GFPT2: variants seen among roughly 807,000 people sequenced by gnomAD.
GFPT2 encodes the protein glutamine--fructose-6-phosphate aminotransferase [isomerizing] 2.
Under a neutral mutation model 85.6 loss-of-function variants are expected in GFPT2, and 62 were observed. The observed-to-expected ratio is 0.72, with a 90% CI of 0.59 to 0.90. GFPT2 has a LOEUF of 0.90. GFPT2 is among the 40% of genes least tolerant of loss of function. GFPT2 has a pLI of 0.00. For synonymous variants in GFPT2, 368 were observed against 344.5 expected, an observed-to-expected ratio of 1.07 and a Z score of -0.75; for missense variants, 788 against 893.4, an observed-to-expected ratio of 0.88 and a Z score of 1.50.
In GFPT2 at chr5:180,330,633, G is replaced by A; in HGVS notation, c.534+67C>T. The A allele has an allele frequency of 7.4e-7, 1 of 1,354,054 alleles. No homozygotes were observed. The highest frequency in any genetic ancestry group is 1.0e-6 in the Non-Finnish European group (1 of 956,508). The allele number at this position is 1,354,054 out of a possible 1,614,324, so 83.9% of individuals were successfully genotyped here. On this transcript the variant is annotated intron_variant, in intron 6 of 18. Transcript: ENST00000253778. The surrounding 1 kb of genome is among the most constrained non-coding windows in gnomAD (Gnocchi z 4.4). The stretch of plus-strand genomic sequence containing the variant: ...AATGAAGGATTCCTTGGCACTTGCT[G>A]CTTGAAAAAAATGTTTTTAATGAAA...
At chr5:180,351,478 G>T (rs1764709653) in intron 1 of GFPT2, among the ~76,000 whole-genome samples, 1 of 149,786 alleles carries the variant, frequency 6.7e-6, no homozygotes, top group Non-Finnish European at 1.5e-5. Context: ...AGGCACCTAA[G>T]CCAGCACGCA....
rs373801571 is a variant in GFPT2, at chr5:180,338,483, G to A, written c.115+10C>T. On this transcript the variant is annotated intron_variant, in intron 2 of 18. Transcript: ENST00000253778. Reference sequence around the variant, plus strand: ...GTCCCCAGCCACGAGGCGGGCGGCCGCACACCCACCTGCCGAGTCGTAGCC... The same window carrying A: ...GTCCCCAGCCACGAGGCGGGCGGCCACACACCCACCTGCCGAGTCGTAGCC... 29 of 1,528,380 alleles carry A rather than the reference G, an allele frequency of 1.9e-5. No homozygotes were observed. Among genetic ancestry groups the A allele is most frequent in the African/African-American group, 9.6e-5 (7 of 73,272 alleles). 94.7% of individuals were successfully genotyped at this position (1,528,380 alleles called of 1,614,324 possible).
Position 180,324,250 on chromosome 5 carries a change from G to C in GFPT2, c.732C>G (p.Ser244Arg). ...CGCCCACAGCATGCAGGCAGGCGGA[G>C]CTGTCCAGCCTCTTCATCCGTGTCT... ...ICKTRMKRLDSSACLHAVGDK... is the reference protein window; with the variant it reads ...ICKTRMKRLDRSACLHAVGDK... The change falls in exon 9 of 19, where the codon AGC becomes AGG. Residue 244 changes from serine (S) to arginine (R), a missense_variant. Transcript: ENST00000253778. 1 of 1,613,172 alleles carries C rather than the reference G, an allele frequency of 6.2e-7. No homozygotes were observed. Among genetic ancestry groups the C allele is most frequent in the Non-Finnish European group, 8.5e-7 (1 of 1,179,264 alleles).
rs1763658059 is a variant in GFPT2 at position 180,300,699 on chromosome 5, A to G, written c.*865T>C. On this transcript the variant is annotated 3_prime_UTR_variant, in exon 19 of 19. Coordinates refer to ENST00000253778, the MANE Select transcript of GFPT2 (RefSeq NM_005110.4). ...TAACAAAATGCAAACACACACAAAAAAACTGTATGTTCTTTATTGTCCTAA... is the reference window on the plus strand; with the variant it reads ...TAACAAAATGCAAACACACACAAAAGAACTGTATGTTCTTTATTGTCCTAA... 1 of 152,632 alleles carries G rather than the reference A, an allele frequency of 6.6e-6. No homozygotes were observed. Among genetic ancestry groups the G allele is most frequent in the African/African-American group, 2.4e-5 (1 of 41,444 alleles). The allele number at this position is 152,632 out of a possible 1,614,324, so 9.5% of individuals were successfully genotyped here.
intron 17 of GFPT2, 71 bp from the exon 18 acceptor site, chr5:180,302,655 T>A (rs1296247721): frequency 8.1e-7 from 1 of 1,231,306 alleles, no homozygotes; most frequent in Non-Finnish European, 1.2e-6. Context: ...ATACAGAGTA[T>A]CTGGAAGCTA....
Position 180,318,757 on chromosome 5 carries a change from C to T in GFPT2, c.958+36G>A, listed in dbSNP as rs369011970. The T allele has an allele frequency of 1.9e-5, 31 of 1,593,950 alleles. No homozygotes were observed. The highest frequency in any genetic ancestry group is 1.6e-4 in the African/African-American group (12 of 74,518). ...GAGCTCCACCAGGCGCGCTGGCTCC[C>T]GAGGCTGCCGCACGTGGACTCTGGA... On this transcript the variant is annotated intron_variant, in intron 10 of 18. Transcript: ENST00000253778. The surrounding 1 kb of genome is among the most constrained non-coding windows in gnomAD (Gnocchi z 4.2).
intron 15 of GFPT2, 70 bp from the exon 16 acceptor site, chr5:180,307,373 A>C: frequency 1.3e-6 from 2 of 1,506,072 alleles, no homozygotes; most frequent in Non-Finnish European, 1.8e-6. Flanking sequence ...ATGAAGACAA[A>C]TGCTGGGGTT....
rs1290089792 is a variant in GFPT2, at chr5:180,307,195, G to T, written c.1655C>A (p.Thr552Asn). ...GCTCACCAGGGCTCCTTCCAGGCAG[G>T]TGGCATAGTTGTAGCCCCGCCCCAT... Reference protein sequence around the residue: ...LVMGRGYNYATCLEGALKIKE... With the variant: ...LVMGRGYNYANCLEGALKIKE... The change falls in exon 16 of 19, where the codon ACC becomes AAC. Residue 552 changes from threonine (T) to asparagine (N), a missense_variant. By Grantham distance (65) the Thr-to-Asn change is moderately conservative. Coordinates refer to ENST00000253778, the MANE Select transcript of GFPT2 (RefSeq NM_005110.4). 1 of 1,593,198 alleles carries T rather than the reference G, an allele frequency of 6.3e-7. No individual in the cohort carries two copies. Among genetic ancestry groups the T allele is most frequent in the Non-Finnish European group, 8.5e-7 (1 of 1,170,912 alleles).
intron 18 of GFPT2, 53 bp from the exon 19 acceptor site, chr5:180,301,661 T>G (rs1418328195): frequency 2.1e-6 from 3 of 1,408,114 alleles, no homozygotes; most frequent in African/African-American, 1.4e-5. Flanking sequence ...AGCAACATGC[T>G]ACCTCTCACA....
chr5:180,319,083 T>C (rs1240849817), intron 9 of GFPT2, 127 bp from the exon 10 acceptor site: 3 of 732,422 alleles, frequency 4.1e-6, no homozygotes, highest in Non-Finnish European at 6.7e-6. Context: ...GAGACCACAC[T>C]AAAAACATTG....
At chr5:180,331,616 G>T in intron 4 of GFPT2, 63 bp from the exon 5 acceptor site, 2 of 980,784 alleles carry the variant, frequency 2.0e-6, no homozygotes, top group Non-Finnish European at 3.3e-6. Flanking sequence ...TGTGAAGAGA[G>T]ATGATTTCAA....
intron 1 of GFPT2, among the ~76,000 whole-genome samples, chr5:180,348,408 A>G (rs1380068283): frequency 6.6e-6 from 1 of 152,224 alleles, no homozygotes; most frequent in Non-Finnish European, 1.5e-5. Context: ...CCTCTCATAC[A>G]CTGGGAAAGG....
In GFPT2 at chr5:180,335,825, T is replaced by C. The variant is rs768334560; in HGVS notation, c.340+3A>G. On this transcript the variant is annotated splice_donor_region_variant and intron_variant, in intron 4 of 18. Transcript: ENST00000253778. Reference sequence around the variant, plus strand: ...CATGGGGACGGGGAAGCATGCCACATACCGTTGCCTTTGTCTGAGCGCTGA... The same window carrying C: ...CATGGGGACGGGGAAGCATGCCACACACCGTTGCCTTTGTCTGAGCGCTGA... 50 of 1,601,498 alleles carry C rather than the reference T, an allele frequency of 3.1e-5. No individual in the cohort carries two copies. The highest frequency in any genetic ancestry group is 4.1e-5 in the Non-Finnish European group (48 of 1,175,562).
intron 15 of GFPT2, 32 bp downstream of exon 15, chr5:180,312,398 G>A (rs757413587): frequency 8.7e-7 from 1 of 1,143,942 alleles, no homozygotes; most frequent in African/African-American, 1.5e-5. Context: ...CACTAGATCT[G>A]AAAACATGGA....
At chr5:180,350,765 T>C (rs1055425107) in intron 1 of GFPT2, among the ~76,000 whole-genome samples, 1 of 152,164 alleles carries the variant, frequency 6.6e-6, no homozygotes, top group African/African-American at 2.4e-5. Flanking sequence ...CTGAAAGTTT[T>C]TGAGAATCAT....
intron 14 of GFPT2, among the ~76,000 whole-genome samples, chr5:180,313,240 C>G (rs1763929846): frequency 6.6e-6 from 1 of 152,028 alleles, no homozygotes; most frequent in East Asian, 1.9e-4. Flanking sequence ...GCTCAAAGAG[C>G]CACAGGACAA....
At chr5:180,338,445 G>T in intron 2 of GFPT2, 48 bp downstream of exon 2, 1 of 1,015,864 alleles carries the variant, frequency 9.8e-7, no homozygotes, top group Non-Finnish European at 1.5e-6. Context: ...TGAGACCACA[G>T]CAGCGGAGCC....
chr5:180,316,222 G>T (rs1764005737), intron 13 of GFPT2, 119 bp downstream of exon 13: 5 of 1,017,826 alleles, frequency 4.9e-6, no homozygotes, highest in South Asian at 1.6e-5. Context: ...AATGACCGCT[G>T]CAAGAGAGGG....
At chr5:180,305,984 T>C (rs1581366238) in intron 16 of GFPT2, among the ~76,000 whole-genome samples, 1 of 29,456 alleles carries the variant, frequency 3.4e-5, no homozygotes, top group Admixed American at 3.8e-4. Context: ...TCTTTCTTTC[T>C]TTTTTTTTTT....
Sources: gnomAD v4.1 joint callset for allele counts (sites outside exome capture counted in the v4.1 genomes callset) on GRCh38, gnomAD v4.1.1 for gene constraint, Gnocchi (gnomAD v3.1) non-coding constraint, MANE v1.5 for transcripts, NCBI Gene and HGNC (gene_info 2026-07-23, HGNC 2026-07-21) for gene names.